TTC28: variants seen among roughly 807,000 people sequenced by gnomAD.
TTC28 encodes tetratricopeptide repeat protein 28.
Under a neutral mutation model 198.0 loss-of-function variants are expected in TTC28, and 61 were observed. That is an observed-to-expected ratio of 0.31 (90% CI 0.25 to 0.38). TTC28 has a LOEUF of 0.38. Among genes scored for constraint, TTC28 ranks in the 10% least tolerant of loss-of-function variants. TTC28 has a pLI of 1.00. For missense variants in TTC28, 2,678 were observed against 3,164.0 expected, an observed-to-expected ratio of 0.85 and a Z score of 3.69; for synonymous variants, 1,171 against 1,297.8, an observed-to-expected ratio of 0.90 and a Z score of 2.10.
At chr22:28,256,153 G>A (rs530953066) in intron 5 of TTC28, among the ~76,000 whole-genome samples, 10 of 151,864 alleles carry the variant, frequency 6.6e-5, no homozygotes, top group Admixed American at 2.6e-4. Context: ...TGGGTGTGGC[G>A]GCTCATGCCT....
Position 28,390,552 on chromosome 22 carries a change from G to T in TTC28, c.382-83909C>A, listed in dbSNP as rs1039164294. On this transcript the variant is annotated intron_variant, in intron 2 of 22. Coordinates refer to ENST00000397906, the MANE Select transcript of TTC28 (RefSeq NM_001145418.2). ...CTGTATTGGGTGCATATATATTTAGGATAGTTAGCCCTTCTTGTTGAATTG... is the reference window on the plus strand; with the variant it reads ...CTGTATTGGGTGCATATATATTTAGTATAGTTAGCCCTTCTTGTTGAATTG... 4.6e-5 allele frequency among the ~76,000 whole-genome samples: 7 copies of T among 152,298 alleles called. No individual in the cohort carries two copies. The South Asian group carries it at 1.5e-3, about 32-fold the overall frequency.
intron 2 of TTC28, among the ~76,000 whole-genome samples, chr22:28,451,850 T>C (rs925138983): frequency 2.2e-4 from 33 of 152,342 alleles, no homozygotes; most frequent in South Asian, 8.3e-4. Context: ...ATTTTGCTAT[T>C]ATATAATTAA....
intron 12 of TTC28, among the ~76,000 whole-genome samples, chr22:28,087,186 A>T (rs900373338): frequency 6.6e-5 from 10 of 152,260 alleles, no homozygotes; most frequent in Admixed American, 5.9e-4. Context: ...CCTGATACCA[A>T]AGCCGGGCAG....
chr22:28,340,309 C>T (rs539841186), intron 2 of TTC28, among the ~76,000 whole-genome samples: 1 of 152,156 alleles, frequency 6.6e-6, no homozygotes, highest in African/African-American at 2.4e-5. Context: ...ATGTGATCTT[C>T]TTTGCCTTTA....
At chr22:28,679,378 C>T (rs566827810) in intron 1 of TTC28, among the ~76,000 whole-genome samples, 163 of 152,288 alleles carry the variant, frequency 1.1e-3, no homozygotes, top group African/African-American at 3.8e-3. Flanking sequence ...CCCCGGTGTG[C>T]GCAGGCCAAC....
chr22:28,458,394 C>T (rs935111751), intron 2 of TTC28, among the ~76,000 whole-genome samples: 3 of 152,158 alleles, frequency 2.0e-5, no homozygotes, highest in African/African-American at 7.2e-5. Flanking sequence ...CTACAAACCA[C>T]TCTGAAATGG....
At chr22:28,342,837 T>C (rs982056137) in intron 2 of TTC28, among the ~76,000 whole-genome samples, 3 of 152,136 alleles carry the variant, frequency 2.0e-5, no homozygotes, top group Non-Finnish European at 2.9e-5. Context: ...AGAGAAGCTA[T>C]AATAAAGTAT....
intron 2 of TTC28, among the ~76,000 whole-genome samples, chr22:28,333,551 T>C (rs1370883179): frequency 6.6e-6 from 1 of 152,126 alleles, no homozygotes; most frequent in South Asian, 2.1e-4. Flanking sequence ...GAAAATGAAC[T>C]AGGTTATATT....
chr22:28,529,933 A>G (rs2049095165), intron 2 of TTC28, among the ~76,000 whole-genome samples: 1 of 150,298 alleles, frequency 6.7e-6, no homozygotes, highest in African/African-American at 2.4e-5. Flanking sequence ...AAAGGTAGAT[A>G]AAACCACAAA....
chr22:28,652,970 T>A (rs1029841285), intron 1 of TTC28, among the ~76,000 whole-genome samples: 3 of 152,218 alleles, frequency 2.0e-5, no homozygotes, highest in African/African-American at 7.2e-5. Context: ...GGTTTTCCTT[T>A]CATTTACCTA....
rs981756732 is a variant in TTC28, at chr22:27,999,111, C to T, written c.4548G>A (p.Glu1516=). 1.9e-6 allele frequency: 3 copies of T among 1,550,616 alleles called. No homozygotes were observed. The highest frequency in any genetic ancestry group is 2.6e-6 in the Non-Finnish European group (3 of 1,147,002). The part of the protein sequence containing the change: ...SAEEEAYMVS[E]LLGCQPLVGS... ...CCACTAGGGGCTGGCAGCCCAGCAG[C>T]TCGGACACCATGTAGGCCTCTTCCT... The change falls in exon 16 of 23, where the codon GAG becomes GAA. Residue 1516 remains glutamate, a synonymous_variant. Coordinates refer to ENST00000397906, the MANE Select transcript of TTC28 (RefSeq NM_001145418.2).
At chr22:28,392,200 C>G (rs1427313099) in intron 2 of TTC28, among the ~76,000 whole-genome samples, 2 of 152,210 alleles carry the variant, frequency 1.3e-5, no homozygotes, top group East Asian at 3.9e-4. Context: ...TCTGCCCGTT[C>G]TCAGATCTCC....
chr22:28,647,927 TA>T (rs2051496677), intron 1 of TTC28, among the ~76,000 whole-genome samples: 2 of 149,418 alleles, frequency 1.3e-5, no homozygotes, highest in Admixed American at 1.3e-4. Context: ...CAAATATATT[TA>T]AAAATGATCA....
At chr22:28,591,762 A>ATTTTGTAGTTT (rs1371338725) in intron 2 of TTC28, among the ~76,000 whole-genome samples, 2 of 152,150 alleles carry the variant, frequency 1.3e-5, no homozygotes, top group African/African-American at 2.4e-5. Flanking sequence ...ACTACAAACA[A>ATTTTGTAGTTT]TATGACTCAA....
At chr22:28,354,144 T>C (rs139308723) in intron 2 of TTC28, among the ~76,000 whole-genome samples, 333 of 152,288 alleles carry the variant, frequency 2.2e-3, no homozygotes, top group East Asian at 4.0e-3. Flanking sequence ...AAGTTAAACA[T>C]AGAAATACCA....
chr22:28,649,321 C>A (rs533841075), intron 1 of TTC28, among the ~76,000 whole-genome samples: 1 of 152,218 alleles, frequency 6.6e-6, no homozygotes, highest in Non-Finnish European at 1.5e-5. Flanking sequence ...ACCCACTACA[C>A]AATTCATCCA....
rs192314322 is a variant in TTC28 at position 28,104,845 on chromosome 22, G to A, written c.3307+434C>T. Among the ~76,000 whole-genome samples, 332 of 152,310 alleles carry A rather than the reference G, an allele frequency of 2.2e-3. 2 individuals are homozygous for A. Among genetic ancestry groups the A allele is most frequent in the Non-Finnish European group, 3.9e-3 (265 of 68,026 alleles). ...ATAGTTAGTTTAGATATTCTCTAGAGGGACAACAGAGCCTGGAGCAGATGG... is the reference window on the plus strand; with the variant it reads ...ATAGTTAGTTTAGATATTCTCTAGAAGGACAACAGAGCCTGGAGCAGATGG... On this transcript the variant is annotated intron_variant, in intron 8 of 22. Coordinates refer to ENST00000397906, the MANE Select transcript of TTC28 (RefSeq NM_001145418.2).
At chr22:28,503,578 T>C (rs1273874619) in intron 2 of TTC28, among the ~76,000 whole-genome samples, 1 of 152,138 alleles carries the variant, frequency 6.6e-6, no homozygotes, top group Non-Finnish European at 1.5e-5. Context: ...CCTCACTGAG[T>C]TGTTGGGATT....
At chr22:28,106,252 G>C (rs565856127) in intron 7 of TTC28, among the ~76,000 whole-genome samples, 1 of 152,098 alleles carries the variant, frequency 6.6e-6, no homozygotes, top group Admixed American at 6.5e-5. Flanking sequence ...CACTCCAGGA[G>C]CCCTAATCCC....
Sources: gnomAD v4.1 joint callset for allele counts (sites outside exome capture counted in the v4.1 genomes callset) on GRCh38, gnomAD v4.1.1 for gene constraint, MANE v1.5 for transcripts, NCBI Gene and HGNC (gene_info 2026-07-23, HGNC 2026-07-21) for gene names.